Variants in EPC1 observed in about 807,000 individuals in gnomAD.
EPC1 encodes enhancer of polycomb homolog 1.
In EPC1, 12 loss-of-function variants were observed where a neutral mutation model predicts 98.4. The ratio of observed to expected loss-of-function variants is 0.12; its 90% CI spans 0.08 to 0.20. The LOEUF is 0.20. Ranked by LOEUF, EPC1 falls within the 10% of genes least tolerant of loss-of-function variation. The pLI is 1.00. For synonymous variants in EPC1, 357 were observed against 363.9 expected (o/e 0.98, Z 0.21); for missense variants, 729 against 990.5 (o/e 0.74, Z 3.54).
At chr10:32,290,319 C>T (rs982845350) in intron 6 of EPC1, among the ~76,000 whole-genome samples, 17 of 151,636 alleles carry the variant, frequency 1.1e-4, no homozygotes, top group Middle Eastern at 3.2e-3. Context: ...CCCACCTCTA[C>T]TAAAAATACA....
chr10:32,327,062 G>GACAAAC (rs1554822837), intron 1 of EPC1, among the ~76,000 whole-genome samples: 1 of 142,268 alleles, frequency 7.0e-6, no homozygotes, highest in Non-Finnish European at 1.5e-5. Flanking sequence ...AAAATGTGGT[G>GACAAAC]ACACACACAC....
rs148351869 is a variant in EPC1, at chr10:32,311,908, T to C, written c.154-5977A>G. 1.0e-3 allele frequency among the ~76,000 whole-genome samples: 154 copies of C among 152,360 alleles called. 1 individual carries two copies. The highest frequency in any genetic ancestry group is 3.2e-3 in the African/African-American group (134 of 41,580). On this transcript the variant is annotated intron_variant, in intron 1 of 13. Coordinates refer to ENST00000319778, the MANE Select transcript of EPC1 (RefSeq NM_001272004.3). ...GGTGAATAAGGTAGGCACTGTGATG[T>C]AGTGTTAGACTACTACTGAAAACTA... is the stretch of plus-strand genomic sequence containing the variant.
intron 1 of EPC1, among the ~76,000 whole-genome samples, chr10:32,311,151 AT>A (rs1175534069): frequency 7.2e-5 from 11 of 152,026 alleles, no homozygotes; most frequent in Non-Finnish European, 4.4e-5. Context: ...TCTACTAAAA[AT>A]ACAAAAAAAA....
At chr10:32,341,323 G>GTGTC (rs1169535090) in intron 1 of EPC1, among the ~76,000 whole-genome samples, 1 of 95,546 alleles carries the variant, frequency 1.0e-5, no homozygotes, top group African/African-American at 3.4e-5. Context: ...ATGTCTGTGT[G>GTGTC]TGTGTGTCTG....
intron 13 of EPC1, 160 bp from the exon 14 acceptor site, chr10:32,269,295 T>TA: frequency 1.8e-6 from 1 of 569,976 alleles, no homozygotes. Context: ...TATAGTTTAT[T>TA]ATCAGAAATC....
chr10:32,270,335 CCTGT>C (rs1450643828), intron 13 of EPC1, among the ~76,000 whole-genome samples: 4 of 152,146 alleles, frequency 2.6e-5, no homozygotes, highest in African/African-American at 9.7e-5. Flanking sequence ...ACTGAAAACA[CCTGT>C]CTTTTTCTTT....
rs1304210222 is a variant in EPC1 at position 32,364,001 on chromosome 10, CATT to C, written c.3+14487_3+14489del. Among the ~76,000 whole-genome samples the C allele has an allele frequency of 9.9e-3, 611 of 61,844 alleles. 21 individuals carry two copies. The highest frequency in any genetic ancestry group is 0.033 in the African/African-American group (579 of 17,496). The allele number at this position is 61,844 out of a possible 152,430, so 40.6% of individuals were successfully genotyped here. A position where few individuals can be genotyped will look rare whatever the true frequency, so the allele number is the denominator to read the frequency against. ...AATAGTATCGTGTCCATCATGTTGG[CATT>C]TTTTTTTTTTTTTTTTTTTTTTTTT... is the stretch of plus-strand genomic sequence containing the variant. On this transcript the variant is annotated intron_variant, in intron 1 of 13. Transcript: ENST00000375110.
intron 1 of EPC1, among the ~76,000 whole-genome samples, chr10:32,309,049 G>A (rs574356389): frequency 3.8e-4 from 58 of 152,212 alleles, no homozygotes; most frequent in Non-Finnish European, 6.9e-4. Context: ...AAAAAATTTC[G>A]CATATTCTCG....
In EPC1 at chr10:32,291,524, G is replaced by T. The variant is rs1834848532; in HGVS notation, c.816-202C>A. The stretch of plus-strand genomic sequence containing the variant: ...GCAAATTTCAAGTATATAATACATT[G>T]TTATTAACCATGCTGTACATTAGGT... On this transcript the variant is annotated intron_variant, in intron 5 of 13. Coordinates refer to ENST00000319778, the MANE Select transcript of EPC1 (RefSeq NM_001272004.3). 7.1e-6 allele frequency: 3 copies of T among 424,676 alleles called. No individual in the cohort carries two copies. The East Asian group carries it at 1.1e-4, about 15-fold the overall frequency. 26.3% of individuals were successfully genotyped at this position (424,676 alleles called of 1,614,324 possible).
At chr10:32,282,233 T>C (rs1836447198) in intron 10 of EPC1, 1 of 152,128 alleles carries the variant, frequency 6.6e-6, no homozygotes, top group South Asian at 2.1e-4. Flanking sequence ...AACTCATTTT[T>C]AAAAAGTAGT....
chr10:32,341,614 C>T (rs1838359753), intron 1 of EPC1, among the ~76,000 whole-genome samples: 1 of 152,096 alleles, frequency 6.6e-6, no homozygotes, highest in Non-Finnish European at 1.5e-5. Flanking sequence ...CACAAAATAC[C>T]ATTAGATACA....
chr10:32,327,215 T>G (rs1402814311), intron 1 of EPC1, among the ~76,000 whole-genome samples: 1 of 152,116 alleles, frequency 6.6e-6, no homozygotes, highest in Non-Finnish European at 1.5e-5. Context: ...AAATATCACA[T>G]GATCTCATTC....
At chr10:32,306,985 G>C (rs1003414890) in intron 1 of EPC1, among the ~76,000 whole-genome samples, 2 of 151,930 alleles carry the variant, frequency 1.3e-5, no homozygotes, top group Non-Finnish European at 2.9e-5. Context: ...ATATTTTAAT[G>C]TATATACAAA....
At chr10:32,295,792 A>G (rs1198663780) in intron 2 of EPC1, among the ~76,000 whole-genome samples, 1 of 152,178 alleles carries the variant, frequency 6.6e-6, no homozygotes, top group Non-Finnish European at 1.5e-5. Flanking sequence ...CAATAGCTAT[A>G]TGTGGCTAGT....
Position 32,292,617 on chromosome 10 carries a change from C to T in EPC1, c.694G>A (p.Glu232Lys), listed in dbSNP as rs757928379. The T allele has an allele frequency of 2.5e-6, 4 of 1,602,986 alleles. No homozygotes were observed. Among genetic ancestry groups the T allele is most frequent in the South Asian group, 1.1e-5 (1 of 88,218 alleles). Residue 232 changes from glutamate (E) to lysine (K), a missense_variant, in exon 5 of 14, where the codon GAA becomes AAA. By Grantham distance (56) the Glu-to-Lys change is moderately conservative. This residue lies in a region of EPC1 where 39 missense variants were observed against 94.9 expected (regional missense o/e 0.41). Coordinates refer to ENST00000319778, the MANE Select transcript of EPC1 (RefSeq NM_001272004.3). The stretch of plus-strand genomic sequence containing the variant: ...TCTCGTCGCAGCTTAAGCATTTTTT[C>T]GTAAGAGGCTTCATCATTTTTGCGA... ...KNRKNDEASY[E>K]KMLKLRRDLS...
intron 1 of EPC1, among the ~76,000 whole-genome samples, chr10:32,365,810 T>G: frequency 1.4e-5 from 1 of 69,824 alleles, no homozygotes; most frequent in East Asian, 4.6e-4. Flanking sequence ...CAGAGAGAGC[T>G]CCGTCTCACA....
Position 32,287,177 on chromosome 10 carries a change from G to A in EPC1, c.1073C>T (p.Pro358Leu). 7 of 1,614,182 alleles carry A rather than the reference G, an allele frequency of 4.3e-6. No individual in the cohort carries two copies. Among genetic ancestry groups the A allele is most frequent in the Non-Finnish European group, 5.9e-6 (7 of 1,180,040 alleles). ...AGCATTGAAGACTGGCAGTGCAGCA[G>A]GACTCGTCTGTTGGGGAGTAGCAGC... ...SAAATPQQTSPAALPVFNAKD... is the reference protein window; with the variant it reads ...SAAATPQQTSLAALPVFNAKD... The change falls in exon 7 of 14, where the codon CCT (proline) becomes CTT (leucine). Residue 358 changes from proline (P) to leucine (L), a missense_variant. By Grantham distance (98) the Pro-to-Leu change is moderately conservative. Around this residue, in one of 6 missense-constraint regions of EPC1, gnomAD observed 390 missense variants for 438.6 expected, o/e 0.89. Transcript: ENST00000319778.
At chr10:32,326,347 A>T (rs994992742) in intron 1 of EPC1, among the ~76,000 whole-genome samples, 3 of 152,172 alleles carry the variant, frequency 2.0e-5, no homozygotes, top group African/African-American at 7.2e-5. Flanking sequence ...TCAGTGAAAG[A>T]TGTGAAATCT....
intron 1 of EPC1, among the ~76,000 whole-genome samples, chr10:32,327,338 A>C (rs1480151935): frequency 6.6e-6 from 1 of 152,190 alleles, no homozygotes; most frequent in Admixed American, 6.5e-5. Context: ...GAAGTTGGTC[A>C]AGGGGTACAA....
Sources: allele counts gnomAD v4.1 joint callset (sites outside exome capture counted in the v4.1 genomes callset), GRCh38; gene constraint gnomAD v4.1.1; regional missense constraint gnomAD v4.1.1; transcripts MANE v1.5; gene names NCBI Gene and HGNC (gene_info 2026-07-23, HGNC 2026-07-21).